CUBN: variants seen among roughly 807,000 people sequenced by gnomAD.
The protein encoded by CUBN is cubilin.
In CUBN, 282 loss-of-function variants were observed where a neutral mutation model predicts 405.3. The ratio of observed to expected loss-of-function variants is 0.70; its 90% CI spans 0.63 to 0.77. The LOEUF (loss-of-function observed/expected upper bound fraction) is 0.77, where lower values mean the gene tolerates loss of function less well. Among genes scored for constraint, CUBN ranks in the 30% least tolerant of loss-of-function variants. The pLI, the probability that CUBN is intolerant of heterozygous loss-of-function variation, is 0.00. For synonymous variants in CUBN, 1,684 were observed against 1,617.0 expected (o/e 1.04, Z -0.99); for missense variants, 4,514 against 4,475.2 (o/e 1.01, Z -0.25).
chr10:16,981,205 A>ACACACACACACACACACACACACACAC (rs1554804644), intron 31 of CUBN, among the ~76,000 whole-genome samples: 1 of 152,068 alleles, frequency 6.6e-6, no homozygotes, highest in Non-Finnish European at 1.5e-5. Context: ...ACACACACAG[A>ACACACACACACACACACACACACACAC]AGAGAGAAGT....
At chr10:16,902,830 A>T (rs1841433842) in intron 51 of CUBN, among the ~76,000 whole-genome samples, 1 of 152,238 alleles carries the variant, frequency 6.6e-6, no homozygotes, top group East Asian at 1.9e-4. Context: ...TTGGGCTCTG[A>T]GGTTTTGATG....
At chr10:16,858,355 C>G (rs1839921646) in intron 59 of CUBN, among the ~76,000 whole-genome samples, 1 of 152,138 alleles carries the variant, frequency 6.6e-6, no homozygotes, top group Non-Finnish European at 1.5e-5. Context: ...GAGGCTTGCT[C>G]TGTCACCCAG....
At chr10:17,036,150 C>T (rs966400312) in intron 27 of CUBN, among the ~76,000 whole-genome samples, 1 of 152,122 alleles carries the variant, frequency 6.6e-6, no homozygotes, top group African/African-American at 2.4e-5. Flanking sequence ...TGAGTATCGT[C>T]CATAGGCAGG....
intron 22 of CUBN, among the ~76,000 whole-genome samples, chr10:17,062,237 T>A (rs917048109): frequency 2.6e-5 from 4 of 152,160 alleles, no homozygotes; most frequent in African/African-American, 9.6e-5. Context: ...TGAATTGCAG[T>A]TTGAAAAGCA....
rs1428820264 is a variant in CUBN at position 16,830,904 on chromosome 10, T to C, written c.10528+348A>G. 1.2e-4 allele frequency among the ~76,000 whole-genome samples: 19 copies of C among 152,126 alleles called. No individual in the cohort carries two copies. In the East Asian group the frequency reaches 1.6e-3, roughly 12 times the overall value. On this transcript the variant is annotated intron_variant, in intron 65 of 66. Coordinates refer to ENST00000377833, the MANE Select transcript of CUBN (RefSeq NM_001081.4). ...GAGTTTGAGACCAGCCTGGCCAATA[T>C]GGGGAAACGCTCTGTCTACTAAAAA...
intron 6 of CUBN, among the ~76,000 whole-genome samples, chr10:17,117,858 G>A (rs1295759683): frequency 2.0e-5 from 3 of 152,166 alleles, no homozygotes; most frequent in Admixed American, 6.5e-5. Context: ...TGTTTACCCA[G>A]ACAATGTACT....
At chr10:17,125,484 G>C (rs1837159370) in intron 4 of CUBN, among the ~76,000 whole-genome samples, 1 of 152,164 alleles carries the variant, frequency 6.6e-6, no homozygotes, top group Admixed American at 6.5e-5. Flanking sequence ...CTTTGTGCTA[G>C]CACAACAATT....
At chr10:17,084,693 C>T (rs1200809174) in intron 16 of CUBN, among the ~76,000 whole-genome samples, 1 of 152,170 alleles carries the variant, frequency 6.6e-6, no homozygotes, top group Non-Finnish European at 1.5e-5. Context: ...GATCTAGCTT[C>T]CAATCTGCCA....
At chr10:17,085,070 A>T (rs1358086580) in intron 16 of CUBN, among the ~76,000 whole-genome samples, 1 of 120,970 alleles carries the variant, frequency 8.3e-6, no homozygotes, top group Non-Finnish European at 1.9e-5. Flanking sequence ...CCACTTCCCT[A>T]AAAAAATCCA....
chr10:16,893,750 T>G (rs1432405550), intron 54 of CUBN, among the ~76,000 whole-genome samples: 1 of 152,172 alleles, frequency 6.6e-6, no homozygotes, highest in African/African-American at 2.4e-5. Flanking sequence ...TACCACAATT[T>G]GTTTAACCAT....
At chr10:17,078,073 T>G (rs58810964) in intron 17 of CUBN, among the ~76,000 whole-genome samples, 4,239 of 151,994 alleles carry the variant, frequency 0.028, 203 homozygotes, top group African/African-American at 0.096. Flanking sequence ...CTCCTCCCCA[T>G]CATCATCATC....
chr10:17,106,607 A>G (rs1215432719), intron 10 of CUBN, among the ~76,000 whole-genome samples: 2 of 151,704 alleles, frequency 1.3e-5, no homozygotes, highest in African/African-American at 4.8e-5. Flanking sequence ...CAAAAAAAAA[A>G]AAAAAAAGCC....
intron 33 of CUBN, 122 bp downstream of exon 33, chr10:16,952,153 GC>G (rs762952849): frequency 1.9e-5 from 14 of 727,866 alleles, no homozygotes; most frequent in Non-Finnish European, 3.3e-5. Flanking sequence ...ATTGGGACTT[GC>G]AAAAGATGAA....
intron 56 of CUBN, among the ~76,000 whole-genome samples, chr10:16,882,609 T>C (rs552798036): frequency 9.2e-5 from 14 of 151,864 alleles, no homozygotes; most frequent in Non-Finnish European, 1.9e-4. Context: ...TTCTCCAAAG[T>C]GGGGGGAGGG....
chr10:17,024,883 C>T (rs1265163277), intron 27 of CUBN, among the ~76,000 whole-genome samples: 1 of 152,176 alleles, frequency 6.6e-6, no homozygotes, highest in African/African-American at 2.4e-5. Context: ...CTAATTCATA[C>T]TGTTTGTAAA....
At chr10:16,967,893 C>CAGGGAGAGAGAGAGAAGGAGAGAG (rs1564452597) in intron 31 of CUBN, among the ~76,000 whole-genome samples, 12 of 82,520 alleles carry the variant, frequency 1.5e-4, no homozygotes, top group African/African-American at 2.0e-4. Flanking sequence ...GAAGGAGAGA[C>CAGGGAGAGAGAGAGAAGGAGAGAG]AGAGGGAGAG....
Position 17,088,191 on chromosome 10 carries a change from A to G in CUBN, c.1920T>C (p.His640=), listed in dbSNP as rs1010818892. The change falls in exon 15 of 67, where the codon CAT becomes CAC. Residue 640 remains histidine (H), a synonymous_variant. Coordinates refer to ENST00000377833, the MANE Select transcript of CUBN (RefSeq NM_001081.4). ...FTFGTLSLEH[H]DDCNKDYLEI... ...CAAGGTAATCTTTGTTGCAGTCATCATGGTGCTCGAGGCTCAAGGTCCCAA... is the reference window on the plus strand; with the variant it reads ...CAAGGTAATCTTTGTTGCAGTCATCGTGGTGCTCGAGGCTCAAGGTCCCAA... The G allele has an allele frequency of 6.2e-7, 1 of 1,613,656 alleles. No homozygotes were observed. The highest frequency in any genetic ancestry group is 8.5e-7 in the Non-Finnish European group (1 of 1,179,580).
At chr10:17,007,822 T>C (rs567760889) in intron 28 of CUBN, among the ~76,000 whole-genome samples, 1 of 152,282 alleles carries the variant, frequency 6.6e-6, no homozygotes, top group Admixed American at 6.5e-5. Context: ...TTTCTAATTA[T>C]TTTCCTTCTG....
rs1839326411 is a variant in CUBN, at chr10:16,840,877, T to G, written c.9826+8A>C. On this transcript the variant is annotated splice_region_variant and intron_variant, in intron 61 of 66. Coordinates refer to ENST00000377833, the MANE Select transcript of CUBN (RefSeq NM_001081.4). ...TCATAACATATAAAAATGCTTCTAT[T>G]TACTCACTGTCCATGATGGTGTATG... is the stretch of plus-strand genomic sequence containing the variant. 3.7e-6 allele frequency: 6 copies of G among 1,605,212 alleles called. No individual in the cohort carries two copies. The highest frequency in any genetic ancestry group is 5.1e-6 in the Non-Finnish European group (6 of 1,173,402).
Sources: gnomAD v4.1 joint callset for allele counts (sites outside exome capture counted in the v4.1 genomes callset) on GRCh38, gnomAD v4.1.1 for gene constraint, MANE v1.5 for transcripts, NCBI Gene and HGNC (gene_info 2026-07-23, HGNC 2026-07-21) for gene names.